The following BDH1 variants were observed in gnomAD, a reference collection of about 807,000 sequenced individuals.
BDH1 encodes the protein 3-hydroxybutyrate dehydrogenase 1.
BDH1 carries 30 observed loss-of-function variants against 33.1 expected under a neutral mutation model. The ratio of observed to expected loss-of-function variants is 0.91; its 90% confidence interval spans 0.68 to 1.23. BDH1 has a LOEUF of 1.23. BDH1 is among the 50% of genes most tolerant of loss of function. The pLI is 0.00. For synonymous variants in BDH1, 190 were observed against 183.6 expected, an observed-to-expected ratio of 1.03 and a Z score of -0.28; for missense variants, 443 against 464.4, an observed-to-expected ratio of 0.95 and a Z score of 0.42.
At chr3:197,548,523 G>A (rs1255427737) in intron 2 of BDH1, among the ~76,000 whole-genome samples, 1 of 152,182 alleles carries the variant, frequency 6.6e-6, no homozygotes, top group African/African-American at 2.4e-5. Flanking sequence ...ATATCTAAAA[G>A]TACTAAAGCC....
At chr3:197,549,975 T>TTATTTTTATATATATATATA (rs1553875236) in intron 2 of BDH1, among the ~76,000 whole-genome samples, 2 of 146,888 alleles carry the variant, frequency 1.4e-5, no homozygotes, top group African/African-American at 5.3e-5. Context: ...CAAATAACTA[T>TTATTTTTATATATATATATA]TATATATATA....
At position 197,514,542 on chromosome 3, in the gene BDH1, T is replaced by C; in HGVS notation, c.410-126A>G. On this transcript the variant is annotated intron_variant, in intron 6 of 7. Transcript: ENST00000392379. This position sits in a 1 kb window ranked among gnomAD's most constrained non-coding sequence, Gnocchi z 4.2. ...CTTCCCAGCCTCTCGCCCAGTGCTC[T>C]CAAGAAACTTTCTAGAGTCACTCAG... 1 of 1,143,772 alleles carries C rather than the reference T, an allele frequency of 8.7e-7. No homozygotes were observed. The allele number at this position is 1,143,772 out of a possible 1,614,324, so 70.9% of individuals were successfully genotyped here. A position where few individuals can be genotyped will look rare whatever the true frequency, so the allele number is the denominator to read the frequency against.
intron 2 of BDH1, among the ~76,000 whole-genome samples, chr3:197,551,313 A>G (rs961248369): frequency 6.6e-6 from 1 of 152,234 alleles, no homozygotes; most frequent in African/African-American, 2.4e-5. Context: ...AATAAGTGAG[A>G]ACATGCAAAG....
chr3:197,520,801 G>A lies in BDH1; in HGVS notation c.409+1839C>T, dbSNP rs537566041. On this transcript the variant is annotated intron_variant, in intron 6 of 7. Coordinates refer to ENST00000392379, the MANE Select transcript of BDH1 (RefSeq NM_203314.3). The surrounding 1 kb of genome is among the most constrained non-coding windows in gnomAD (Gnocchi z 6.0). The stretch of plus-strand genomic sequence containing the variant: ...CGAAGCAGGCTGCAGGTTCTGAGCC[G>A]GTAATCACCCCAGCGGGACCCATCC... Among the ~76,000 whole-genome samples, 4 of 152,218 alleles carry A rather than the reference G, an allele frequency of 2.6e-5. No homozygotes were observed. Among genetic ancestry groups the A allele is most frequent in the African/African-American group, 4.8e-5 (2 of 41,452 alleles).
chr3:197,564,781 T>C (rs1717379254), intron 1 of BDH1, among the ~76,000 whole-genome samples: 1 of 152,230 alleles, frequency 6.6e-6, no homozygotes, highest in East Asian at 1.9e-4. Flanking sequence ...TTATGAAATA[T>C]TAACCAACTC....
rs144603437 is a variant in BDH1, at chr3:197,512,171, G to T, written c.756C>A (p.Ser252Arg). Residue 252 changes from serine (S) to arginine (R), a missense_variant, in exon 8 of 8, where the codon AGC (serine) becomes AGA (arginine). Physicochemically the swap from Ser to Arg is moderately radical, Grantham distance 110 (BLOSUM62 -1). Transcript: ENST00000392379. Reference protein sequence around the residue: ...IAATSLYSPESIQAIAKKMWE... With the variant: ...IAATSLYSPERIQAIAKKMWE... ...ACATCTTCTTGGCGATGGCCTGAAT[G>T]CTCTCAGGGCTGTAAAGGCTGGTGG... 2 of 1,614,172 alleles carry T rather than the reference G, an allele frequency of 1.2e-6. No individual in the cohort carries two copies. Among genetic ancestry groups the T allele is most frequent in the Non-Finnish European group, 1.7e-6 (2 of 1,180,038 alleles).
intron 1 of BDH1, among the ~76,000 whole-genome samples, chr3:197,565,212 G>A (rs983232996): frequency 3.9e-5 from 6 of 152,228 alleles, no homozygotes; most frequent in Admixed American, 6.5e-5. Context: ...ATGAGCCGCC[G>A]CACCCAGCCA....
chr3:197,551,433 A>G (rs1716558668), intron 2 of BDH1, among the ~76,000 whole-genome samples: 1 of 152,182 alleles, frequency 6.6e-6, no homozygotes, highest in African/African-American at 2.4e-5. Context: ...ATACTACTCC[A>G]TTGTGTATAT....
intron 3 of BDH1, chr3:197,538,647 C>T (rs1314387019): frequency 2.3e-5 from 5 of 222,052 alleles, no homozygotes; most frequent in Admixed American, 5.2e-5. Flanking sequence ...CCACGGCGCC[C>T]GGCCTGCCAT....
chr3:197,554,815 G>T lies in BDH1; in HGVS notation c.-195-102C>A, dbSNP rs1716866821. 6.6e-6 allele frequency: 1 copy of T among 152,206 alleles called. No individual in the cohort carries two copies. Among genetic ancestry groups the T allele is most frequent in the Non-Finnish European group, 1.5e-5 (1 of 68,058 alleles). The allele number at this position is 152,206 out of a possible 1,614,324, so 9.4% of individuals were successfully genotyped here. A position where few individuals can be genotyped will look rare whatever the true frequency, so the allele number is the denominator to read the frequency against. On this transcript the variant is annotated intron_variant, in intron 1 of 7. Coordinates refer to ENST00000392379, the MANE Select transcript of BDH1 (RefSeq NM_203314.3). The surrounding 1 kb of genome is among the most constrained non-coding windows in gnomAD (Gnocchi z 4.4). Reference sequence around the variant, plus strand: ...GGAGGCGGCCGCGCGCAGGACGCACGCCCAAGGCGCCTGGGCCGCTAGGGA... The same window carrying T: ...GGAGGCGGCCGCGCGCAGGACGCACTCCCAAGGCGCCTGGGCCGCTAGGGA...
chr3:197,534,304 A>T (rs1384122153), intron 3 of BDH1: 1 of 152,242 alleles, frequency 6.6e-6, no homozygotes, highest in Non-Finnish European at 1.5e-5. Context: ...AATTTCAAGA[A>T]TGTTATGTAA....
Position 197,570,965 on chromosome 3 carries a change from T to C in BDH1, c.-44+2216A>G, listed in dbSNP as rs143027541. ...ACAGACACTCAATGCCAGCCCATGATAGCAGCCAGGAGGGAGGGTGTACCC... is the reference window on the plus strand; with the variant it reads ...ACAGACACTCAATGCCAGCCCATGACAGCAGCCAGGAGGGAGGGTGTACCC... On this transcript the variant is annotated intron_variant, in intron 1 of 6. Coordinates refer to the BDH1 transcript ENST00000358186. Among the ~76,000 whole-genome samples, 287 of 152,304 alleles carry C rather than the reference T, an allele frequency of 1.9e-3. 2 individuals carry two copies. The highest frequency in any genetic ancestry group is 6.5e-3 in the African/African-American group (269 of 41,574).
intron 2 of BDH1, among the ~76,000 whole-genome samples, chr3:197,552,862 C>G (rs1716682481): frequency 6.6e-6 from 1 of 152,208 alleles, no homozygotes; most frequent in Non-Finnish European, 1.5e-5. Context: ...CTGTTTTGTT[C>G]ACTGTTGTAT....
Position 197,510,674 on chromosome 3 carries a change from A to ACG in BDH1, c.*1220_*1221insCG, listed in dbSNP as rs1560296787. 4 of 37,296 alleles carry ACG rather than the reference A, an allele frequency of 1.1e-4. No homozygotes were observed. Among genetic ancestry groups the ACG allele is most frequent in the African/African-American group, 3.6e-4 (4 of 11,118 alleles). 2.3% of individuals were successfully genotyped at this position (37,296 alleles called of 1,614,324 possible). ...TGTGTGTGTGTGTGTGTGTGTGTAC[A>ACG]TGTGTGTAAGGTGTGTGTGTGTGTG... On this transcript the variant is annotated 3_prime_UTR_variant, in exon 8 of 8. Coordinates refer to ENST00000392379, the MANE Select transcript of BDH1 (RefSeq NM_203314.3).
At chr3:197,548,256 T>C (rs1003237606) in intron 2 of BDH1, among the ~76,000 whole-genome samples, 37 of 151,428 alleles carry the variant, frequency 2.4e-4, no homozygotes, top group African/African-American at 4.4e-4. Flanking sequence ...CAGGCCCACG[T>C]TGGCTCAGAC....
In BDH1 at chr3:197,521,032, A is replaced by G. The variant is rs1579893279; in HGVS notation, c.409+1608T>C. ...TGAGGCAGCTGCTGTGACAGACAGC[A>G]CATCCATCTGGCTGATACAGGCTCA... On this transcript the variant is annotated intron_variant, in intron 6 of 7. Transcript: ENST00000392379. This position sits in a 1 kb window ranked among gnomAD's most constrained non-coding sequence, Gnocchi z 4.9. 6.6e-6 allele frequency among the ~76,000 whole-genome samples: 1 copy of G among 152,222 alleles called. No homozygotes were observed. Among genetic ancestry groups the G allele is most frequent in the East Asian group, 1.9e-4 (1 of 5,172 alleles).
At chr3:197,562,099 G>A (rs1007927868) in intron 1 of BDH1, among the ~76,000 whole-genome samples, 9 of 152,198 alleles carry the variant, frequency 5.9e-5, no homozygotes, top group Non-Finnish European at 1.0e-4. Flanking sequence ...GGCTTTGGGG[G>A]AACCAGAGAT....
intron 5 of BDH1, among the ~76,000 whole-genome samples, chr3:197,524,458 T>G (rs2108728991): frequency 6.6e-6 from 1 of 152,146 alleles, no homozygotes; most frequent in South Asian, 2.1e-4. Context: ...AATGGAGAAA[T>G]CACATCATGC....
chr3:197,536,533 G>A (rs983434266), intron 3 of BDH1, among the ~76,000 whole-genome samples: 7 of 152,200 alleles, frequency 4.6e-5, no homozygotes, highest in Admixed American at 2.0e-4. Flanking sequence ...GTGTTGTGTC[G>A]TTTTCAGCAT....
Sources: gnomAD v4.1 joint callset for allele counts (sites outside exome capture counted in the v4.1 genomes callset) on GRCh38, gnomAD v4.1.1 for gene constraint, Gnocchi (gnomAD v3.1) non-coding constraint, MANE v1.5 for transcripts, NCBI Gene and HGNC (gene_info 2026-07-23, HGNC 2026-07-21) for gene names.